Variants in LRP4 observed in about 807,000 individuals in gnomAD.
LRP4 encodes low-density lipoprotein receptor-related protein 4.
A neutral mutation model predicts 220.3 loss-of-function variants in LRP4; 95 were observed. The observed-to-expected ratio is 0.43, with a 90% CI of 0.37 to 0.51. The LOEUF is 0.51. Ranked by LOEUF, LRP4 falls within the 20% of genes least tolerant of loss-of-function variation. The pLI is 0.00. For missense variants in LRP4, 1,925 were observed against 2,567.0 expected (o/e 0.75, Z 5.40); for synonymous variants, 903 against 954.6 (o/e 0.95, Z 1.00).
In LRP4 at chr11:46,869,088, G is replaced by T. The variant is rs770893482; in HGVS notation, c.4737C>A (p.Ile1579=). The change falls in exon 32 of 38, where the codon ATC becomes ATA. Residue 1579 remains isoleucine, a synonymous_variant. Coordinates refer to ENST00000378623, the MANE Select transcript of LRP4 (RefSeq NM_002334.4). The stretch of plus-strand genomic sequence containing the variant: ...GGCCTGAGTATTTGTCAACACGCTG[G>T]ATTGACTTGGTCTGCCAGTCTGTCC... The part of the protein sequence containing the change: ...IYWTDWQTKS[I]QRVDKYSGRN... The T allele has an allele frequency of 3.3e-5, 54 of 1,614,056 alleles. No individual in the cohort carries two copies. Among genetic ancestry groups the T allele is most frequent in the Non-Finnish European group, 4.2e-5 (50 of 1,180,028 alleles).
At chr11:46,868,842 G>T in intron 32 of LRP4, 129 bp from the exon 33 acceptor site, 3 of 1,276,290 alleles carry the variant, frequency 2.4e-6, no homozygotes, top group African/African-American at 1.5e-5. Flanking sequence ...AGATACAACC[G>T]CGAGGGAGTA....
chr11:46,861,929 A>C (rs771099125), intron 37 of LRP4, among the ~76,000 whole-genome samples: 3 of 151,892 alleles, frequency 2.0e-5, no homozygotes, highest in Non-Finnish European at 2.9e-5. Flanking sequence ...TTAGCCGGGC[A>C]TGGTGGCGCA....
intron 1 of LRP4, among the ~76,000 whole-genome samples, chr11:46,913,073 T>A (rs1941891130): frequency 6.6e-6 from 1 of 152,032 alleles, no homozygotes; most frequent in East Asian, 1.9e-4. Context: ...ACAGCGCCCC[T>A]CCCCTCATTC....
Position 46,894,648 on chromosome 11 carries a change from C to A in LRP4, c.1481G>T (p.Arg494Leu). 1 of 1,614,036 alleles carries A rather than the reference C, an allele frequency of 6.2e-7. No individual in the cohort carries two copies. Among genetic ancestry groups the A allele is most frequent in the Non-Finnish European group, 8.5e-7 (1 of 1,179,980 alleles). ...WSDVTLDRIL[R>L]ANLNGSNVEE... The stretch of plus-strand genomic sequence containing the variant: ...CACGTTGCTGCCGTTGAGGTTGGCA[C>A]GGAGGATCCGGTCCAGGGTGACATC... The change falls in exon 12 of 38, where the codon CGT becomes CTT. Residue 494 changes from arginine to leucine, a missense_variant. By Grantham distance (102) the Arg-to-Leu change is moderately radical. Around this residue, in one of 3 missense-constraint regions of LRP4, gnomAD observed 269 missense variants for 436.7 expected, o/e 0.62. Coordinates refer to ENST00000378623, the MANE Select transcript of LRP4 (RefSeq NM_002334.4).
chr11:46,900,322 G>T lies in LRP4; in HGVS notation c.256C>A (p.Arg86Ser). The change falls in exon 3 of 38, where the codon CGC becomes AGC. Residue 86 changes from arginine (R) to serine (S), a missense_variant. Physicochemically the swap from Arg to Ser is moderately radical, Grantham distance 110 (BLOSUM62 -1). Transcript: ENST00000378623. Reference sequence around the variant, plus strand: ...TTGTCCCCGTCACACACCCAGGAGCGGCGGATGCACTTGCCATTGTCACAG... The same window carrying T: ...TTGTCCCCGTCACACACCCAGGAGCTGCGGATGCACTTGCCATTGTCACAG... ...FHCDNGKCIR[R>S]SWVCDGDNDC... is the part of the protein sequence containing the mutation. 1.2e-6 allele frequency: 2 copies of T among 1,614,100 alleles called. No individual in the cohort carries two copies. The highest frequency in any genetic ancestry group is 2.7e-5 in the African/African-American group (2 of 75,026).
Position 46,889,327 on chromosome 11 carries a change from C to T in LRP4, c.2215+84G>A, listed in dbSNP as rs551478677. 4.4e-4 allele frequency: 687 copies of T among 1,568,344 alleles called. 2 individuals carry two copies. Among genetic ancestry groups the T allele is most frequent in the Non-Finnish European group, 4.3e-5 (49 of 1,148,426 alleles). The stretch of plus-strand genomic sequence containing the variant: ...GGAATGTGGTTTTTCCCATGACAGG[C>T]AATCCCTCCACGTCCTATCCCTTGT... On this transcript the variant is annotated intron_variant, in intron 16 of 37. Coordinates refer to ENST00000378623, the MANE Select transcript of LRP4 (RefSeq NM_002334.4).
intron 19 of LRP4, among the ~76,000 whole-genome samples, chr11:46,882,122 C>T (rs970205749): frequency 6.6e-6 from 1 of 152,134 alleles, no homozygotes; most frequent in Non-Finnish European, 1.5e-5. Flanking sequence ...GCAGAGCCCA[C>T]AGCTTAAGCA....
At chr11:46,864,962 G>GT (rs767086670) in intron 35 of LRP4, among the ~76,000 whole-genome samples, 157 bp downstream of exon 35, 1 of 152,206 alleles carries the variant, frequency 6.6e-6, no homozygotes, top group Non-Finnish European at 1.5e-5. Flanking sequence ...AGCTGTCACT[G>GT]TAAGTGGTGA....
chr11:46,875,372 T>C lies in LRP4; in HGVS notation c.3925+84A>G. 1 of 1,254,364 alleles carries C rather than the reference T, an allele frequency of 8.0e-7. No homozygotes were observed. The highest frequency in any genetic ancestry group is 1.2e-6 in the Non-Finnish European group (1 of 867,198). The allele number at this position is 1,254,364 out of a possible 1,614,324, so 77.7% of individuals were successfully genotyped here. A position where few individuals can be genotyped will look rare whatever the true frequency, so the allele number is the denominator to read the frequency against. ...CGTCTTTCTGGCTGTAAAGGAGCTC[T>C]GTGCTCTGGATATATCTCTGATGTT... On this transcript the variant is annotated intron_variant, in intron 27 of 37. Coordinates refer to ENST00000378623, the MANE Select transcript of LRP4 (RefSeq NM_002334.4). The surrounding 1 kb of genome is among the most constrained non-coding windows in gnomAD (Gnocchi z 4.5).
intron 2 of LRP4, among the ~76,000 whole-genome samples, chr11:46,902,358 C>CAAA (rs58839181): frequency 8.7e-5 from 8 of 92,352 alleles, no homozygotes; most frequent in Admixed American, 3.3e-4. Flanking sequence ...GACTCTGTAT[C>CAAA]AAAAAAAAAA....
Position 46,858,575 on chromosome 11 carries a change from C to CA in LRP4, c.*407dup. The CA allele has an allele frequency of 3.3e-6, 1 of 298,932 alleles. No individual in the cohort carries two copies. Among genetic ancestry groups the CA allele is most frequent in the East Asian group, 8.0e-5 (1 of 12,562 alleles). The allele number at this position is 298,932 out of a possible 1,614,324, so 18.5% of individuals were successfully genotyped here. On this transcript the variant is annotated 3_prime_UTR_variant, in exon 38 of 38. Transcript: ENST00000378623. The stretch of plus-strand genomic sequence containing the variant: ...CCAGCCCCTGATGGGCAAGTTCTCT[C>CA]AGAGAAGCAGTCATGCTGGCTGTGA...
chr11:46,916,498 C>T (rs1941948167), intron 1 of LRP4, among the ~76,000 whole-genome samples: 1 of 152,168 alleles, frequency 6.6e-6, no homozygotes, highest in East Asian at 1.9e-4. Flanking sequence ...CATTCTTTTT[C>T]TGTGAAACAT....
chr11:46,906,775 G>A (rs372419641), intron 1 of LRP4, among the ~76,000 whole-genome samples: 36 of 152,158 alleles, frequency 2.4e-4, no homozygotes, highest in African/African-American at 8.2e-4. Context: ...CAGAAGTCCC[G>A]ATTTCCCCCG....
intron 36 of LRP4, among the ~76,000 whole-genome samples, chr11:46,863,816 G>A (rs1940624097): frequency 6.6e-6 from 1 of 152,018 alleles, no homozygotes; most frequent in African/African-American, 2.4e-5. Context: ...ATCCTCATCT[G>A]TAAAGTGAGG....
rs968108487 is a variant in LRP4 at position 46,858,910 on chromosome 11, G to T, written c.*73C>A. 432 of 1,416,176 alleles carry T rather than the reference G, an allele frequency of 3.1e-4. No homozygotes were observed. Among genetic ancestry groups the T allele is most frequent in the Non-Finnish European group, 4.1e-4 (416 of 1,002,432 alleles). 87.7% of individuals were successfully genotyped at this position (1,416,176 alleles called of 1,614,324 possible). A position where few individuals can be genotyped will look rare whatever the true frequency, so the allele number is the denominator to read the frequency against. ...CAAGCACACAGAAGCGGGGCCTGCG[G>T]TGTAAGCGAGCACAAGGACTAGACG... On this transcript the variant is annotated 3_prime_UTR_variant, in exon 38 of 38. Coordinates refer to ENST00000378623, the MANE Select transcript of LRP4 (RefSeq NM_002334.4).
chr11:46,885,952 C>CAAGGGTA (rs1941283717), intron 18 of LRP4, 139 bp downstream of exon 18: 1 of 772,604 alleles, frequency 1.3e-6, no homozygotes, highest in Non-Finnish European at 2.3e-6. Flanking sequence ...AGCAGCCCTC[C>CAAGGGTA]GGCTTCTGAC....
At chr11:46,898,797 C>T in intron 6 of LRP4, 107 bp downstream of exon 6, 1 of 1,605,254 alleles carries the variant, frequency 6.2e-7, no homozygotes, top group Middle Eastern at 1.7e-4. Context: ...CCAGAAAATC[C>T]AGAAACTCCT....
chr11:46,907,560 C>T (rs1210949859), intron 1 of LRP4, among the ~76,000 whole-genome samples: 1 of 152,186 alleles, frequency 6.6e-6, no homozygotes, highest in African/African-American at 2.4e-5. Flanking sequence ...TTTCTTAGCT[C>T]ATCAGCTGTT....
Position 46,871,637 on chromosome 11 carries a change from C to A in LRP4, c.4584-4G>T, listed in dbSNP as rs368518969. On this transcript the variant is annotated splice_polypyrimidine_tract_variant and splice_region_variant and intron_variant, in intron 30 of 37. Transcript: ENST00000378623. ...ATGCGCATCCACCCAGTAGATCCTG[C>A]GAAGAAAATGAAAAGAGTGGCTGCT... 1.3e-6 allele frequency: 2 copies of A among 1,598,088 alleles called. No homozygotes were observed. The highest frequency in any genetic ancestry group is 2.3e-5 in the East Asian group (1 of 44,364).
Sources: gnomAD v4.1 joint callset for allele counts (sites outside exome capture counted in the v4.1 genomes callset) on GRCh38, gnomAD v4.1.1 for gene constraint, gnomAD v4.1.1 regional missense constraint, Gnocchi (gnomAD v3.1) non-coding constraint, MANE v1.5 for transcripts, NCBI Gene and HGNC (gene_info 2026-07-23, HGNC 2026-07-21) for gene names.